The following LCN15 variants were observed in gnomAD, a reference collection of about 807,000 sequenced individuals.
LCN15 encodes the protein lipocalin 15.
Under a neutral mutation model 23.1 loss-of-function variants are expected in LCN15, and 26 were observed. The observed-to-expected ratio is 1.13, with a 90% CI of 0.82 to 1.56. The LOEUF is 1.56. Ranked by LOEUF, LCN15 falls within the 40% of genes most tolerant of loss-of-function variation. The pLI is 0.00. For missense variants in LCN15, 241 were observed against 239.5 expected (o/e 1.01, Z -0.04); for synonymous variants, 107 against 98.3 (o/e 1.09, Z -0.52).
rs1847319514 is a variant in LCN15 at position 136,761,746 on chromosome 9, G to A, written c.*32+41C>T. The stretch of plus-strand genomic sequence containing the variant: ...ATGTCAAGCTGCGATAGGGAGGGGA[G>A]AGGCAACCAGGGCATCCCCTGCAGG... On this transcript the variant is annotated intron_variant, in intron 6 of 6. Transcript: ENST00000316144. The surrounding 1 kb of genome is among the most constrained non-coding windows in gnomAD (Gnocchi z 4.2). 9.8e-7 allele frequency: 1 copy of A among 1,021,762 alleles called. No homozygotes were observed. Among genetic ancestry groups the A allele is most frequent in the Admixed American group, 4.2e-5 (1 of 23,674 alleles). The allele number at this position is 1,021,762 out of a possible 1,614,324, so 63.3% of individuals were successfully genotyped here. A position where few individuals can be genotyped will look rare whatever the true frequency, so the allele number is the denominator to read the frequency against.
chr9:136,763,734 C>T lies in LCN15; in HGVS notation c.286G>A (p.Glu96Lys), dbSNP rs755731638. 7 of 1,613,396 alleles carry T rather than the reference C, an allele frequency of 4.3e-6. No individual in the cohort carries two copies. In the Admixed American group the frequency reaches 1.2e-4, roughly 27 times the overall value. The change falls in exon 3 of 7, where the codon GAG becomes AAG. Residue 96 changes from glutamate (E) to lysine (K), a missense_variant. Coordinates refer to ENST00000316144, the MANE Select transcript of LCN15 (RefSeq NM_203347.2). The part of the protein sequence containing the change: ...VDAEYLKVGS[E>K]GHFRVPALGY... Reference sequence around the variant, plus strand: ...CTACCCGGGACTCTGAAGTGTCCCTCGGAGCCCACCTTCAGGTACTCGGCA... The same window carrying T: ...CTACCCGGGACTCTGAAGTGTCCCTTGGAGCCCACCTTCAGGTACTCGGCA...
chr9:136,762,687 G>C (rs1453788652), intron 4 of LCN15, among the ~76,000 whole-genome samples: 1 of 152,162 alleles, frequency 6.6e-6, no homozygotes, highest in Non-Finnish European at 1.5e-5. Flanking sequence ...GGATCACGAG[G>C]TCAGGAGATC....
chr9:136,761,652 TA>T lies in LCN15; in HGVS notation c.*32+134del, dbSNP rs1409156799. 3 of 415,894 alleles carry T rather than the reference TA, an allele frequency of 7.2e-6. No individual in the cohort carries two copies. Among genetic ancestry groups the T allele is most frequent in the Admixed American group, 4.4e-5 (1 of 22,756 alleles). 25.8% of individuals were successfully genotyped at this position (415,894 alleles called of 1,614,324 possible). A position where few individuals can be genotyped will look rare whatever the true frequency, so the allele number is the denominator to read the frequency against. Reference sequence around the variant, plus strand: ...GAGGCTTCCTGGAAGAGGTAATGTCTAAGCTGAGGCCTGAAGCATGGGGTCG... The same window carrying T: ...GAGGCTTCCTGGAAGAGGTAATGTCTAGCTGAGGCCTGAAGCATGGGGTCG... On this transcript the variant is annotated intron_variant, in intron 6 of 6. Transcript: ENST00000316144. The surrounding 1 kb of genome is among the most constrained non-coding windows in gnomAD (Gnocchi z 4.2).
At chr9:136,760,645 G>A (rs549180586) in intron 6 of LCN15, among the ~76,000 whole-genome samples, 11 of 152,226 alleles carry the variant, frequency 7.2e-5, no homozygotes, top group African/African-American at 2.4e-5. Flanking sequence ...TCTGGTTTAG[G>A]GGGGGATCTC....
At chr9:136,760,558 C>T (rs1019708329) in intron 6 of LCN15, among the ~76,000 whole-genome samples, 4 of 152,222 alleles carry the variant, frequency 2.6e-5, no homozygotes, top group South Asian at 4.1e-4. Context: ...GTGACTGTCA[C>T]GTCAGACACG....
intron 6 of LCN15, among the ~76,000 whole-genome samples, chr9:136,760,011 TC>T (rs1393251805): frequency 6.6e-6 from 1 of 151,984 alleles, no homozygotes; most frequent in African/African-American, 2.4e-5. Context: ...TTCCCCACCT[TC>T]CCCGGCGCGG....
Position 136,764,447 on chromosome 9 carries a change from C to T in LCN15, c.42G>A (p.Trp14Ter). 1 of 1,613,284 alleles carries T rather than the reference C, an allele frequency of 6.2e-7. No individual in the cohort carries two copies. The highest frequency in any genetic ancestry group is 1.7e-5 in the Admixed American group (1 of 60,006). Residue 14 changes from tryptophan (W) to a stop codon, truncating the protein, a stop_gained, in exon 1 of 7, where the codon TGG becomes TGA. Coordinates refer to ENST00000316144, the MANE Select transcript of LCN15 (RefSeq NM_203347.2). LOFTEE classifies it high-confidence loss of function. ...FLLGAILTLL[W>*]APTAQAEVLL... ...GAACCTCAGCCTGAGCCGTGGGCGC[C>T]CAGAGCAGGGTCAGGATTGCGCCGA... is the stretch of plus-strand genomic sequence containing the variant.
intron 4 of LCN15, 116 bp downstream of exon 4, chr9:136,763,241 G>A (rs1847340040): frequency 8.3e-6 from 5 of 605,724 alleles, no homozygotes; most frequent in Non-Finnish European, 1.1e-5. Flanking sequence ...GTGAGGGCGG[G>A]GCCTGTGAGG....
intron 6 of LCN15, among the ~76,000 whole-genome samples, chr9:136,760,189 A>G (rs1452874311): frequency 6.6e-6 from 1 of 152,132 alleles, no homozygotes; most frequent in Non-Finnish European, 1.5e-5. Context: ...CAGGCGGGGC[A>G]CTCTACCCCG....
At chr9:136,762,581 C>T (rs945961819) in intron 4 of LCN15, among the ~76,000 whole-genome samples, 1 of 152,102 alleles carries the variant, frequency 6.6e-6, no homozygotes, top group Non-Finnish European at 1.5e-5. Context: ...TCTGTCGGCT[C>T]CAATCGGGGA....
At chr9:136,762,739 AAAATACAAAAAATTATTTATATTTTTAC>A (rs1357418125) in intron 4 of LCN15, among the ~76,000 whole-genome samples, 8 of 152,126 alleles carry the variant, frequency 5.3e-5, no homozygotes, top group Non-Finnish European at 1.0e-4. Flanking sequence ...GTCTCTACTA[AAAATACAAAAAATTATTTATATTTTTAC>A]AAATACAAAT....
chr9:136,763,483 C>A lies in LCN15; in HGVS notation c.308-16G>T, dbSNP rs763287232. ...TAGCCCAAGGCTGCGGAGAGGCAGG[C>A]GGCCTTTTCAGGCTGGAGAAGTGGA... On this transcript the variant is annotated splice_polypyrimidine_tract_variant and intron_variant, in intron 3 of 6. Coordinates refer to ENST00000316144, the MANE Select transcript of LCN15 (RefSeq NM_203347.2). 3.8e-6 allele frequency: 6 copies of A among 1,563,582 alleles called. No individual in the cohort carries two copies. Among genetic ancestry groups the A allele is most frequent in the Non-Finnish European group, 5.2e-6 (6 of 1,149,628 alleles).
intron 1 of LCN15, 73 bp downstream of exon 1, chr9:136,764,320 G>T: frequency 6.9e-7 from 1 of 1,440,540 alleles, no homozygotes; most frequent in South Asian, 1.2e-5. Context: ...AAAGGCAGTT[G>T]TCACAATTAT....
At chr9:136,763,493 A>T in intron 3 of LCN15, 26 bp from the exon 4 acceptor site, 1 of 1,516,864 alleles carries the variant, frequency 6.6e-7, no homozygotes, top group Non-Finnish European at 9.0e-7. Context: ...CGGCCTTTTC[A>T]GGCTGGAGAA....
rs758870503 is a variant in LCN15 at position 136,763,412 on chromosome 9, G to C, written c.363C>G (p.Val121=). 3.1e-6 allele frequency: 5 copies of C among 1,609,674 alleles called. No homozygotes were observed. The highest frequency in any genetic ancestry group is 4.2e-6 in the Non-Finnish European group (5 of 1,178,556). ...CCTCCAGCTCCTTGTAGATGTAAAG[G>C]ACGGCGAAGGAGCTGTAGTCTGTGT... ...IVDTDYSSFA[V]LYIYKELEGA... Residue 121 remains valine, a synonymous_variant, in exon 4 of 7, where the codon GTC becomes GTG. Transcript: ENST00000316144.
Position 136,763,960 on chromosome 9 carries a change from A to G in LCN15, c.146T>C (p.Phe49Ser). Residue 49 changes from phenylalanine to serine, a missense_variant, in exon 2 of 7, where the codon TTC (phenylalanine) becomes TCC (serine). Coordinates refer to ENST00000316144, the MANE Select transcript of LCN15 (RefSeq NM_203347.2). ...VVSMASDCRVFLGKKDHLSMS... is the reference protein window; with the variant it reads ...VVSMASDCRVSLGKKDHLSMS... ...GGACAGGTGGTCCTTCTTGCCCAGG[A>G]AGACCCTGCAGTCAGATGCCATGGA... The G allele has an allele frequency of 6.2e-7, 1 of 1,613,494 alleles. No individual in the cohort carries two copies.
At chr9:136,762,158 G>T (rs754993880) in intron 5 of LCN15, 30 bp downstream of exon 5, 3 of 1,318,238 alleles carry the variant, frequency 2.3e-6, no homozygotes, top group Non-Finnish European at 3.2e-6. Flanking sequence ...AGGCTGGGGG[G>T]CATGGGGTGG....
rs976410586 is a variant in LCN15, at chr9:136,761,130, C to T, written c.*32+657G>A. On this transcript the variant is annotated intron_variant, in intron 6 of 6. Coordinates refer to ENST00000316144, the MANE Select transcript of LCN15 (RefSeq NM_203347.2). The surrounding 1 kb of genome is among the most constrained non-coding windows in gnomAD (Gnocchi z 4.2). ...CAGGCCAAGAAATGCCCAGGACAAG[C>T]GGCAGCCGTGGGAGCTGGGGGGGCG... Among the ~76,000 whole-genome samples the T allele has an allele frequency of 6.6e-6, 1 of 151,962 alleles. No individual in the cohort carries two copies. The highest frequency in any genetic ancestry group is 1.5e-5 in the Non-Finnish European group (1 of 68,002).
rs1299989375 is a variant in LCN15 at position 136,764,490 on chromosome 9, C to T, written c.-2G>A. On this transcript the variant is annotated 5_prime_UTR_variant, in exon 1 of 7. Transcript: ENST00000316144. ...TGCGCCGAGCAGGAATGACATCATC[C>T]CCTCCCCTGCCCTCCAGCCCCTGGT... 5.0e-6 allele frequency: 8 copies of T among 1,608,938 alleles called. No homozygotes were observed. The African/African-American group carries it at 1.1e-4, about 22-fold the overall frequency.
Sources: allele counts gnomAD v4.1 joint callset (sites outside exome capture counted in the v4.1 genomes callset), GRCh38; gene constraint gnomAD v4.1.1; non-coding constraint Gnocchi (gnomAD v3.1); transcripts MANE v1.5; gene names NCBI Gene and HGNC (gene_info 2026-07-23, HGNC 2026-07-21).